SPAG6: variants seen among roughly 807,000 people sequenced by gnomAD.
The protein encoded by SPAG6 is sperm associated antigen 6, also known as sperm-associated antigen 6.
In SPAG6, 49 loss-of-function variants were observed where a neutral mutation model predicts 58.5. The observed-to-expected ratio is 0.84, with a 90% CI of 0.67 to 1.06. SPAG6 has a LOEUF of 1.06. SPAG6 is among the 50% of genes least tolerant of loss of function. SPAG6 has a pLI of 0.00. For missense variants in SPAG6, 560 were observed against 611.3 expected (o/e 0.92, Z 0.89); for synonymous variants, 233 against 225.6 (o/e 1.03, Z -0.29).
intron 9 of SPAG6, among the ~76,000 whole-genome samples, chr10:22,403,043 G>A (rs1394998453): frequency 6.6e-6 from 1 of 152,144 alleles, no homozygotes; most frequent in African/African-American, 2.4e-5. Flanking sequence ...AGTGGGATGT[G>A]TGGAAGTTAG....
At chr10:22,374,766 A>G (rs1833779472) in intron 4 of SPAG6, among the ~76,000 whole-genome samples, 1 of 151,744 alleles carries the variant, frequency 6.6e-6, no homozygotes, top group Non-Finnish European at 1.5e-5. Flanking sequence ...ACAGAGTGAG[A>G]CCCTGTCTCA....
intron 9 of SPAG6, among the ~76,000 whole-genome samples, chr10:22,402,228 A>G (rs1282763660): frequency 1.3e-5 from 2 of 152,180 alleles, no homozygotes; most frequent in African/African-American, 4.8e-5. Flanking sequence ...AAAACAACCA[A>G]AGAGTTGTAT....
chr10:22,407,907 C>A (rs1325071825), intron 9 of SPAG6, among the ~76,000 whole-genome samples: 1 of 150,738 alleles, frequency 6.6e-6, no homozygotes. Flanking sequence ...ATTGCTGATA[C>A]CCTTTCTTCC....
chr10:22,358,432 GT>G (rs1013105825), intron 2 of SPAG6, among the ~76,000 whole-genome samples: 1 of 151,926 alleles, frequency 6.6e-6, no homozygotes, highest in African/African-American at 2.4e-5. Context: ...TGATGGGGTT[GT>G]TTTTTTCTTG....
chr10:22,412,063 T>A (rs755508831), intron 10 of SPAG6, among the ~76,000 whole-genome samples: 5 of 151,968 alleles, frequency 3.3e-5, no homozygotes, highest in Admixed American at 6.6e-5. Flanking sequence ...GTTAGCCAGG[T>A]TGGTCTCGAT....
At position 22,345,580 on chromosome 10, in the gene SPAG6, G is replaced by A. The variant is rs1470634024; in HGVS notation, c.-32G>A. 6.6e-7 allele frequency: 1 copy of A among 1,521,412 alleles called. No individual in the cohort carries two copies. The highest frequency in any genetic ancestry group is 1.2e-5 in the South Asian group (1 of 81,812). 94.2% of individuals were successfully genotyped at this position (1,521,412 alleles called of 1,614,324 possible). ...GCAGGCCGAGCGGCTTCCCCGCAGA[G>A]CTCGAGGAGGGCAGACGGCGGCGGG... On this transcript the variant is annotated 5_prime_UTR_variant, in exon 1 of 11. Coordinates refer to ENST00000376624, the MANE Select transcript of SPAG6 (RefSeq NM_012443.4). This position sits in a 1 kb window ranked among gnomAD's most constrained non-coding sequence, Gnocchi z 6.3.
intron 6 of SPAG6, among the ~76,000 whole-genome samples, chr10:22,388,214 G>C (rs1384069314): frequency 6.6e-6 from 1 of 151,614 alleles, no homozygotes; most frequent in African/African-American, 2.4e-5. Context: ...CCTAACCTCT[G>C]CCCACTAGAT....
At chr10:22,352,209 A>ATGTG (rs370765050) in intron 2 of SPAG6, among the ~76,000 whole-genome samples, 2 of 149,808 alleles carry the variant, frequency 1.3e-5, no homozygotes, top group African/African-American at 2.4e-5. Flanking sequence ...GTGTGCGTGT[A>ATGTG]TGTGTGTGTG....
intron 10 of SPAG6, chr10:22,412,484 G>A: frequency 6.5e-7 from 1 of 1,531,378 alleles, no homozygotes; most frequent in Non-Finnish European, 8.7e-7. Flanking sequence ...CACTTTTTAG[G>A]AAGTTTATGA....
chr10:22,358,300 C>T (rs1361126594), intron 2 of SPAG6, among the ~76,000 whole-genome samples: 5 of 152,134 alleles, frequency 3.3e-5, no homozygotes, highest in Non-Finnish European at 7.4e-5. Context: ...GATGGTATCT[C>T]ATTGTGGTTT....
chr10:22,401,863 A>AT (rs747212216), intron 9 of SPAG6, among the ~76,000 whole-genome samples: 23 of 152,230 alleles, frequency 1.5e-4, no homozygotes, highest in Non-Finnish European at 2.8e-4. Context: ...ATAGCAAAGG[A>AT]TAAAAGAGAA....
chr10:22,399,328 C>T (rs867371042), intron 8 of SPAG6, among the ~76,000 whole-genome samples: 6 of 152,316 alleles, frequency 3.9e-5, no homozygotes, highest in Middle Eastern at 3.4e-3. Context: ...ATTATACCCA[C>T]CAGCTCCAGA....
intron 2 of SPAG6, among the ~76,000 whole-genome samples, chr10:22,359,683 A>G (rs1017520300): frequency 6.6e-6 from 1 of 152,180 alleles, no homozygotes; most frequent in Non-Finnish European, 1.5e-5. Flanking sequence ...TAATTGATAA[A>G]TTTTGTTATG....
chr10:22,357,399 T>C (rs1353219348), intron 2 of SPAG6, among the ~76,000 whole-genome samples: 2 of 152,152 alleles, frequency 1.3e-5, no homozygotes, highest in African/African-American at 4.8e-5. Context: ...TAGATATATC[T>C]TGAATGAATT....
intron 10 of SPAG6, among the ~76,000 whole-genome samples, chr10:22,414,078 T>G (rs1448153553): frequency 6.6e-6 from 1 of 152,132 alleles, no homozygotes; most frequent in East Asian, 1.9e-4. Context: ...GGGCCTGGCT[T>G]ACTCCACAGC....
intron 2 of SPAG6, chr10:22,346,117 C>G (rs996030041): frequency 2.1e-6 from 3 of 1,426,706 alleles, no homozygotes; most frequent in Admixed American, 5.1e-5. Context: ...GGACTCTACC[C>G]TAATGAGACC....
At chr10:22,352,087 G>A (rs901710492) in intron 2 of SPAG6, among the ~76,000 whole-genome samples, 24 of 152,024 alleles carry the variant, frequency 1.6e-4, no homozygotes, top group African/African-American at 5.6e-4. Flanking sequence ...CGTGAATTTC[G>A]GAGGCGGAGC....
intron 2 of SPAG6, among the ~76,000 whole-genome samples, chr10:22,350,572 A>T (rs542798962): frequency 6.6e-6 from 1 of 152,332 alleles, no homozygotes; most frequent in South Asian, 2.1e-4. Flanking sequence ...GGTATGCCAT[A>T]ATCCTACTTT....
chr10:22,411,200 G>T, intron 10 of SPAG6, 24 bp downstream of exon 10: 1 of 1,584,378 alleles, frequency 6.3e-7, no homozygotes, highest in Non-Finnish European at 8.6e-7. Flanking sequence ...ACTTTGAAAC[G>T]TTCAATATTA....
Sources: allele counts gnomAD v4.1 joint callset (sites outside exome capture counted in the v4.1 genomes callset), GRCh38; gene constraint gnomAD v4.1.1; non-coding constraint Gnocchi (gnomAD v3.1); transcripts MANE v1.5; gene names NCBI Gene and HGNC (gene_info 2026-07-23, HGNC 2026-07-21).